The following SHISA9 variants were observed in gnomAD, a reference collection of about 807,000 sequenced individuals.
The protein encoded by SHISA9 is protein shisa-9.
Under a neutral mutation model 38.0 loss-of-function variants are expected in SHISA9, and 13 were observed. The ratio of observed to expected loss-of-function variants is 0.34; its 90% CI spans 0.22 to 0.54. The LOEUF (loss-of-function observed/expected upper bound fraction) is 0.54, where lower values mean the gene tolerates loss of function less well. SHISA9 is among the 20% of genes least tolerant of loss of function. The pLI is 0.91. For missense variants in SHISA9, 538 were observed against 575.8 expected, an observed-to-expected ratio of 0.93 and a Z score of 0.67; for synonymous variants, 275 against 242.0, an observed-to-expected ratio of 1.14 and a Z score of -1.27.
chr16:13,459,854 A>C, the SHISA9 span, among the ~76,000 whole-genome samples: 1 of 152,226 alleles, frequency 6.6e-6, no homozygotes, highest in South Asian at 2.1e-4. Flanking sequence ...TGGGAAAAGA[A>C]ACAAGTGTGT....
At chr16:13,035,031 G>C (rs1298394935) in intron 2 of SHISA9, among the ~76,000 whole-genome samples, 1 of 152,204 alleles carries the variant, frequency 6.6e-6, no homozygotes, top group African/African-American at 2.4e-5. Context: ...GTTTTGGAGG[G>C]TGGTTTTAAC....
At chr16:13,114,924 A>ATCCATCCC (rs1480271667) in intron 2 of SHISA9, among the ~76,000 whole-genome samples, 3 of 151,770 alleles carry the variant, frequency 2.0e-5, no homozygotes, top group Non-Finnish European at 4.4e-5. Context: ...CCATCCATCC[A>ATCCATCCC]TCCATCCATC....
chr16:13,191,459 G>T (rs1303370167), intron 2 of SHISA9, among the ~76,000 whole-genome samples: 2 of 152,322 alleles, frequency 1.3e-5, no homozygotes, highest in South Asian at 4.1e-4. Context: ...GCAAGCTTTA[G>T]CTACCATATG....
chr16:13,287,044 A>G, the SHISA9 span, among the ~76,000 whole-genome samples: 3 of 152,206 alleles, frequency 2.0e-5, no homozygotes, highest in African/African-American at 7.2e-5. Flanking sequence ...TTGATTAAGT[A>G]TCCACAACAG....
chr16:13,380,350 A>T, the SHISA9 span, among the ~76,000 whole-genome samples: 3 of 152,224 alleles, frequency 2.0e-5, no homozygotes, highest in African/African-American at 7.2e-5. Flanking sequence ...GAAGGGGGGA[A>T]AGAGAAAATG....
At chr16:13,067,825 C>T (rs1364523447) in intron 2 of SHISA9, among the ~76,000 whole-genome samples, 1 of 152,214 alleles carries the variant, frequency 6.6e-6, no homozygotes, top group African/African-American at 2.4e-5. Flanking sequence ...CATTTAGATT[C>T]TGCTTGGCAG....
intron 2 of SHISA9, among the ~76,000 whole-genome samples, chr16:13,087,147 CTTTTTTT>C (rs956913326): frequency 6.1e-5 from 5 of 81,626 alleles, no homozygotes; most frequent in Non-Finnish European, 1.2e-4. Context: ...ATGAACTCGT[CTTTTTTT>C]TTTTTTTTTT....
At chr16:13,550,049 A>G in the SHISA9 span, among the ~76,000 whole-genome samples, 3 of 151,712 alleles carry the variant, frequency 2.0e-5, no homozygotes, top group Non-Finnish European at 4.4e-5. Context: ...AAGTATATAT[A>G]TTAGAGCTGA....
chr16:13,523,222 C>A, the SHISA9 span, among the ~76,000 whole-genome samples: 1 of 152,078 alleles, frequency 6.6e-6, no homozygotes, highest in Admixed American at 6.6e-5. Context: ...TGGTGGCAGG[C>A]ATGTGTAGTC....
intron 2 of SHISA9, among the ~76,000 whole-genome samples, chr16:13,122,092 G>A (rs1390700570): frequency 6.6e-6 from 1 of 152,214 alleles, no homozygotes; most frequent in African/African-American, 2.4e-5. Context: ...AGTCCATTGA[G>A]TACTGGTCGG....
chr16:13,391,352 G>A, the SHISA9 span, among the ~76,000 whole-genome samples: 1 of 152,144 alleles, frequency 6.6e-6, no homozygotes, highest in South Asian at 2.1e-4. Context: ...AAGCAAAACT[G>A]TAGCTCTGTA....
intron 2 of SHISA9, among the ~76,000 whole-genome samples, chr16:13,039,134 C>G (rs544949599): frequency 6.6e-6 from 1 of 152,304 alleles, no homozygotes; most frequent in South Asian, 2.1e-4. Flanking sequence ...GTCTCGAACT[C>G]CTGACCTCAG....
chr16:12,987,971 C>T (rs1019029644), intron 2 of SHISA9, among the ~76,000 whole-genome samples: 1 of 152,196 alleles, frequency 6.6e-6, no homozygotes, highest in African/African-American at 2.4e-5. Flanking sequence ...CTCCAGTGTT[C>T]CTATTCTTGG....
chr16:12,917,210 A>G (rs146225271), intron 2 of SHISA9, among the ~76,000 whole-genome samples: 1,747 of 152,304 alleles, frequency 0.011, 11 homozygotes, highest in Middle Eastern at 0.048. Flanking sequence ...GCTAGCTTAT[A>G]CGTCTGCCTC....
At chr16:13,036,169 C>T (rs751995889) in intron 2 of SHISA9, among the ~76,000 whole-genome samples, 8 of 152,238 alleles carry the variant, frequency 5.3e-5, no homozygotes, top group East Asian at 1.9e-4. Flanking sequence ...CACAAATGTC[C>T]GCACAAAGTC....
the SHISA9 span, among the ~76,000 whole-genome samples, chr16:13,453,964 C>T: frequency 0.019 from 2,904 of 152,210 alleles, 102 homozygotes; most frequent in African/African-American, 0.065. Flanking sequence ...GTTATAATAC[C>T]GTCATCTCAT....
At chr16:13,248,978 G>A in the SHISA9 span, among the ~76,000 whole-genome samples, 1,415 of 152,216 alleles carry the variant, frequency 9.3e-3, 24 homozygotes, top group African/African-American at 0.033. Flanking sequence ...CCTATGAGTC[G>A]AGTCATTCAC....
chr16:13,223,742 G>A (rs926114774), intron 4 of SHISA9, among the ~76,000 whole-genome samples: 1 of 152,186 alleles, frequency 6.6e-6, no homozygotes, highest in Non-Finnish European at 1.5e-5. Flanking sequence ...AATCATGGTG[G>A]AAGGCCACGG....
rs935676416 is a variant in SHISA9, at chr16:13,235,742, A to G, written c.*333A>G. 2 of 290,484 alleles carry G rather than the reference A, an allele frequency of 6.9e-6. No homozygotes were observed. The highest frequency in any genetic ancestry group is 4.3e-5 in the African/African-American group (2 of 46,028). The allele number at this position is 290,484 out of a possible 1,614,324, so 18.0% of individuals were successfully genotyped here. On this transcript the variant is annotated 3_prime_UTR_variant, in exon 5 of 5. Transcript: ENST00000558583. ...AGTTTTCTTTTCCTCCTAACTTGAA[A>G]CTGAAATCCATGGTGACAAAATATA...
Sources: allele counts gnomAD v4.1 joint callset (sites outside exome capture counted in the v4.1 genomes callset), GRCh38; gene constraint gnomAD v4.1.1; transcripts MANE v1.5; gene names NCBI Gene and HGNC (gene_info 2026-07-23, HGNC 2026-07-21).